Variants in TEKT5 observed in about 807,000 individuals in gnomAD.
The protein encoded by TEKT5 is tektin 5.
Under a neutral mutation model 48.7 loss-of-function variants are expected in TEKT5, and 52 were observed. That is an observed-to-expected ratio of 1.07 (90% CI 0.86 to 1.35). TEKT5 has a LOEUF of 1.35. Ranked by LOEUF, TEKT5 falls within the 40% of genes most tolerant of loss-of-function variation. TEKT5 has a pLI of 0.00. For synonymous variants in TEKT5, 318 were observed against 267.6 expected, an observed-to-expected ratio of 1.19 and a Z score of -1.84; for missense variants, 831 against 641.6, an observed-to-expected ratio of 1.30 and a Z score of -3.19.
chr16:10,675,841 A>G (rs2142301233), intron 5 of TEKT5, 118 bp downstream of exon 5: 1 of 963,684 alleles, frequency 1.0e-6, no homozygotes, highest in Non-Finnish European at 1.6e-6. Flanking sequence ...ACCTTGGGAG[A>G]GAGGGTACTG....
At chr16:10,674,140 C>A (rs1460901966) in intron 5 of TEKT5, among the ~76,000 whole-genome samples, 1 of 152,102 alleles carries the variant, frequency 6.6e-6, no homozygotes, top group Admixed American at 6.5e-5. Flanking sequence ...CCAGCTTCAT[C>A]CCGGACGCTT....
At chr16:10,671,432 G>A (rs1898547399) in intron 5 of TEKT5, among the ~76,000 whole-genome samples, 1 of 152,218 alleles carries the variant, frequency 6.6e-6, no homozygotes, top group Non-Finnish European at 1.5e-5. Context: ...GGTATAGACA[G>A]ACAATGGAAT....
chr16:10,637,087 T>G (rs1897925323), intron 5 of TEKT5, among the ~76,000 whole-genome samples: 1 of 151,590 alleles, frequency 6.6e-6, no homozygotes, highest in South Asian at 2.1e-4. Context: ...GTTCACGCCA[T>G]TCTCCTGCCT....
At chr16:10,691,183 G>C (rs1898968705) in intron 1 of TEKT5, 1 of 152,016 alleles carries the variant, frequency 6.6e-6, no homozygotes, top group African/African-American at 2.4e-5. Context: ...TTTTAAATTA[G>C]CCAGCCATGG....
chr16:10,685,500 T>C (rs1421812860), intron 3 of TEKT5, among the ~76,000 whole-genome samples: 1 of 152,158 alleles, frequency 6.6e-6, no homozygotes. Context: ...TTTCACCATT[T>C]TGGCCAGACT....
At chr16:10,669,763 T>C (rs1231212987) in intron 5 of TEKT5, among the ~76,000 whole-genome samples, 1 of 151,720 alleles carries the variant, frequency 6.6e-6, no homozygotes, top group Non-Finnish European at 1.5e-5. Context: ...CAAATGCACA[T>C]TCACTTGGGT....
chr16:10,683,593 T>C (rs1397258064), intron 3 of TEKT5, among the ~76,000 whole-genome samples: 1 of 151,910 alleles, frequency 6.6e-6, no homozygotes, highest in East Asian at 1.9e-4. Context: ...TTTTATTTAA[T>C]TAATTAATTT....
intron 5 of TEKT5, among the ~76,000 whole-genome samples, chr16:10,670,045 G>A (rs549586111): frequency 5.9e-5 from 9 of 152,212 alleles, no homozygotes; most frequent in Non-Finnish European, 1.3e-4. Context: ...GAGGCTGTCT[G>A]CACAGCCCCA....
chr16:10,681,877 C>T, intron 4 of TEKT5, 116 bp downstream of exon 4: 1 of 1,374,264 alleles, frequency 7.3e-7, no homozygotes, highest in Admixed American at 1.9e-5. Context: ...CCCGTTCAAC[C>T]ATGCCACTTC....
At chr16:10,647,039 G>A (rs1898080398) in intron 5 of TEKT5, among the ~76,000 whole-genome samples, 1 of 152,092 alleles carries the variant, frequency 6.6e-6, no homozygotes, top group Non-Finnish European at 1.5e-5. Context: ...TTATATAGAT[G>A]AAAAATGCTC....
At chr16:10,692,124 T>C (rs758269816) in intron 1 of TEKT5, among the ~76,000 whole-genome samples, 6 of 151,992 alleles carry the variant, frequency 3.9e-5, no homozygotes, top group Non-Finnish European at 5.9e-5. Context: ...GAGATGTCGA[T>C]GGTCCCCCTG....
intron 6 of TEKT5, among the ~76,000 whole-genome samples, chr16:10,633,264 G>C (rs1482668952): frequency 6.6e-6 from 1 of 152,168 alleles, no homozygotes; most frequent in Admixed American, 6.5e-5. Flanking sequence ...GGGAGGCTGA[G>C]GCAGGAGAAT....
chr16:10,630,867 G>GA (rs1400031382), intron 6 of TEKT5, among the ~76,000 whole-genome samples: 2 of 151,542 alleles, frequency 1.3e-5, no homozygotes, highest in Non-Finnish European at 2.9e-5. Context: ...ACTAAAAATA[G>GA]AAAAAAATTA....
chr16:10,680,498 G>A (rs1301385706), intron 4 of TEKT5, among the ~76,000 whole-genome samples: 3 of 150,110 alleles, frequency 2.0e-5, no homozygotes, highest in African/African-American at 7.4e-5. Flanking sequence ...AACTAAGATA[G>A]ACTCCACCCT....
chr16:10,684,305 C>G (rs1898815678), intron 3 of TEKT5, among the ~76,000 whole-genome samples: 1 of 151,996 alleles, frequency 6.6e-6, no homozygotes, highest in African/African-American at 2.4e-5. Context: ...GTGTCTATGT[C>G]TCTGTCTCTC....
intron 5 of TEKT5, among the ~76,000 whole-genome samples, chr16:10,670,515 C>T (rs937823614): frequency 1.3e-5 from 2 of 151,906 alleles, no homozygotes; most frequent in African/African-American, 4.8e-5. Flanking sequence ...TGAGACTCCA[C>T]CTCAAAAAAA....
intron 5 of TEKT5, among the ~76,000 whole-genome samples, chr16:10,662,424 C>T (rs539996721): frequency 9.2e-5 from 14 of 152,274 alleles, no homozygotes; most frequent in African/African-American, 2.6e-4. Flanking sequence ...AACGAGGAGG[C>T]GGCCCCAGGT....
intron 5 of TEKT5, among the ~76,000 whole-genome samples, chr16:10,659,701 A>G (rs528702903): frequency 5.9e-5 from 9 of 152,374 alleles, no homozygotes; most frequent in African/African-American, 1.7e-4. Flanking sequence ...GCAACCGCAG[A>G]GAAAACAAAT....
intron 4 of TEKT5, among the ~76,000 whole-genome samples, chr16:10,677,245 T>C (rs1187659461): frequency 1.0e-5 from 1 of 96,342 alleles, no homozygotes; most frequent in Admixed American, 9.0e-5. Context: ...GGTGTCATTA[T>C]GTGTTGGTCA....
Sources: allele counts gnomAD v4.1 joint callset (sites outside exome capture counted in the v4.1 genomes callset), GRCh38; gene constraint gnomAD v4.1.1; transcripts MANE v1.5; gene names NCBI Gene and HGNC (gene_info 2026-07-23, HGNC 2026-07-21).